RBFOX2: variants seen among roughly 807,000 people sequenced by gnomAD.
RBFOX2 encodes RNA binding protein fox-1 homolog 2.
In RBFOX2, 10 loss-of-function variants were observed where a neutral mutation model predicts 49.1. The observed-to-expected ratio is 0.20, with a 90% confidence interval of 0.13 to 0.35. RBFOX2 has a LOEUF of 0.35. Ranked by LOEUF, RBFOX2 falls within the 10% of genes least tolerant of loss-of-function variation. RBFOX2 has a pLI of 1.00. For synonymous variants in RBFOX2, 183 were observed against 187.4 expected (o/e 0.98, Z 0.19); for missense variants, 323 against 486.9 (o/e 0.66, Z 3.17).
At chr22:36,026,089 A>AC (rs1332073937) in intron 1 of RBFOX2, among the ~76,000 whole-genome samples, 1 of 151,856 alleles carries the variant, frequency 6.6e-6, no homozygotes, top group Non-Finnish European at 1.5e-5. Flanking sequence ...ACCTGGTGAA[A>AC]CCCCCTCTCT....
At chr22:35,816,648 T>C (rs1953123217) in intron 1 of RBFOX2, among the ~76,000 whole-genome samples, 1 of 152,210 alleles carries the variant, frequency 6.6e-6, no homozygotes, top group Non-Finnish European at 1.5e-5. Context: ...TTTCACTTGG[T>C]TGTCTGGAAC....
upstream of RBFOX2, among the ~76,000 whole-genome samples, chr22:35,940,103 G>A (rs531542386): frequency 6.6e-6 from 1 of 152,266 alleles, no homozygotes; most frequent in African/African-American, 2.4e-5. Flanking sequence ...CCACTAATTG[G>A]TAGGTTGACT....
chr22:35,889,297 A>G (rs1157542346), intron 1 of RBFOX2, among the ~76,000 whole-genome samples: 1 of 152,164 alleles, frequency 6.6e-6, no homozygotes, highest in African/African-American at 2.4e-5. Flanking sequence ...CAATAGAGGA[A>G]AGCCTCTGTC....
At chr22:35,918,614 G>A (rs1458966710) in intron 1 of RBFOX2, among the ~76,000 whole-genome samples, 2 of 152,116 alleles carry the variant, frequency 1.3e-5, no homozygotes, top group Admixed American at 6.5e-5. Flanking sequence ...GGACTCTCTG[G>A]GGACCCAGAG....
intron 1 of RBFOX2, chr22:35,997,171 C>T (rs536826344): frequency 6.6e-6 from 1 of 152,348 alleles, no homozygotes; most frequent in East Asian, 1.9e-4. Context: ...CCTTCAAAAT[C>T]CCTGGGCTTA....
chr22:35,848,016 A>G (rs2041439197), intron 1 of RBFOX2, among the ~76,000 whole-genome samples: 1 of 152,136 alleles, frequency 6.6e-6, no homozygotes, highest in Admixed American at 6.5e-5. Flanking sequence ...TCAATTACAT[A>G]CTGTAATTAT....
chr22:35,777,054 C>T (rs1195690807), intron 4 of RBFOX2, among the ~76,000 whole-genome samples: 3 of 151,540 alleles, frequency 2.0e-5, no homozygotes, highest in Admixed American at 2.0e-4. Flanking sequence ...CTCTGTCACC[C>T]AGGCTGGAGT....
At chr22:36,013,929 T>C (rs1388337670) in intron 1 of RBFOX2, among the ~76,000 whole-genome samples, 1 of 152,096 alleles carries the variant, frequency 6.6e-6, no homozygotes, top group Non-Finnish European at 1.5e-5. Context: ...GGAATTAACT[T>C]ACCGGTAGGG....
chr22:35,885,843 A>ATTTTTTTTTTTT (rs538674450), intron 1 of RBFOX2, among the ~76,000 whole-genome samples: 6 of 83,146 alleles, frequency 7.2e-5, no homozygotes, highest in African/African-American at 2.1e-4. Flanking sequence ...CCCAAACCTA[A>ATTTTTTTTTTTT]TTTTTTTTTT....
At chr22:35,901,915 C>G (rs946729626) in intron 1 of RBFOX2, among the ~76,000 whole-genome samples, 11 of 151,926 alleles carry the variant, frequency 7.2e-5, no homozygotes, top group Admixed American at 4.6e-4. Flanking sequence ...AACCCCATCT[C>G]TGCTGAAAAT....
chr22:35,995,964 C>G (rs1385272416), intron 1 of RBFOX2: 1 of 152,118 alleles, frequency 6.6e-6, no homozygotes. Context: ...GTCACTGCAG[C>G]CATCCCAAGG....
intron 1 of RBFOX2, chr22:36,000,053 T>C (rs1006835886): frequency 6.7e-6 from 1 of 148,864 alleles, no homozygotes; most frequent in African/African-American, 2.5e-5. Flanking sequence ...CTGGCTGGAG[T>C]ACAGTGGCAC....
chr22:35,880,100 G>C (rs1603432452), intron 1 of RBFOX2, among the ~76,000 whole-genome samples: 1 of 152,070 alleles, frequency 6.6e-6, no homozygotes, highest in East Asian at 1.9e-4. Flanking sequence ...AGGTTGCAGT[G>C]AGCCAGATCA....
intron 1 of RBFOX2, among the ~76,000 whole-genome samples, chr22:35,981,167 A>G (rs1350218366): frequency 6.6e-6 from 1 of 152,202 alleles, no homozygotes; most frequent in Non-Finnish European, 1.5e-5. Context: ...GAGGCTTGAG[A>G]AAAGTTAGGT....
intron 1 of RBFOX2, among the ~76,000 whole-genome samples, chr22:35,975,407 T>C (rs949875429): frequency 1.3e-5 from 2 of 152,214 alleles, no homozygotes; most frequent in African/African-American, 2.4e-5. Flanking sequence ...AATTTCTGCA[T>C]TGATAAAATA....
intron 1 of RBFOX2, among the ~76,000 whole-genome samples, chr22:35,945,990 C>T (rs976745052): frequency 8.5e-5 from 13 of 152,074 alleles, no homozygotes; most frequent in Non-Finnish European, 1.5e-4. Flanking sequence ...CCACATTTAC[C>T]GCTCCCCCCT....
intron 4 of RBFOX2, among the ~76,000 whole-genome samples, chr22:35,776,978 A>G (rs1441214700): frequency 6.6e-6 from 1 of 151,780 alleles, no homozygotes; most frequent in East Asian, 1.9e-4. Context: ...TCTAAATCAT[A>G]CAGATTGGGA....
chr22:35,985,035 G>A (rs141250106), intron 1 of RBFOX2, among the ~76,000 whole-genome samples: 27 of 152,242 alleles, frequency 1.8e-4, no homozygotes, highest in South Asian at 6.2e-4. Context: ...CAGATGATGC[G>A]AAGAAAAGAT....
intron 4 of RBFOX2, among the ~76,000 whole-genome samples, chr22:35,776,396 A>G (rs1382015831): frequency 6.6e-6 from 1 of 152,254 alleles, no homozygotes; most frequent in African/African-American, 2.4e-5. Flanking sequence ...AGCTTAGAGT[A>G]TAATTACCCC....
Sources: allele counts gnomAD v4.1 joint callset (sites outside exome capture counted in the v4.1 genomes callset), GRCh38; gene constraint gnomAD v4.1.1; transcripts MANE v1.5; gene names NCBI Gene and HGNC (gene_info 2026-07-23, HGNC 2026-07-21).